Variants in SIK3 observed in about 807,000 individuals in gnomAD.
SIK3 encodes serine/threonine-protein kinase SIK3.
In SIK3, 28 loss-of-function variants were observed where a neutral mutation model predicts 144.2. The ratio of observed to expected loss-of-function variants is 0.19; its 90% CI spans 0.14 to 0.27. SIK3 has a LOEUF of 0.27. SIK3 is among the 10% of genes least tolerant of loss of function. The probability of loss-of-function intolerance (pLI) is 1.00; values close to 1 mark genes in which losing one functional copy is unlikely to be tolerated. For synonymous variants in SIK3, 686 were observed against 676.3 expected (o/e 1.01, Z -0.22); for missense variants, 1,319 against 1,776.0 (o/e 0.74, Z 4.62).
chr11:116,987,321 T>TAAAAAAAAAAAA (rs35342917), intron 1 of SIK3, among the ~76,000 whole-genome samples: 1 of 137,272 alleles, frequency 7.3e-6, no homozygotes, highest in Non-Finnish European at 1.6e-5. Context: ...CATAAAAGAT[T>TAAAAAAAAAAAA]AAAAAAAAAA....
chr11:117,046,097 CATCT>C (rs1170928514), intron 1 of SIK3, among the ~76,000 whole-genome samples: 1 of 152,210 alleles, frequency 6.6e-6, no homozygotes, highest in African/African-American at 2.4e-5. Context: ...TGTTCCTATC[CATCT>C]GTCTTTCACA....
chr11:116,892,399 A>G (rs894284288), intron 6 of SIK3, among the ~76,000 whole-genome samples: 1 of 152,218 alleles, frequency 6.6e-6, no homozygotes, highest in African/African-American at 2.4e-5. Context: ...TGAAGTTAAA[A>G]ACGACCAATA....
At chr11:116,894,269 A>G (rs1462720861) in intron 6 of SIK3, among the ~76,000 whole-genome samples, 1 of 152,158 alleles carries the variant, frequency 6.6e-6, no homozygotes, top group Non-Finnish European at 1.5e-5. Flanking sequence ...CTCTGTAACC[A>G]CTGCCTAAAA....
At chr11:116,883,116 C>A (rs900407393) in intron 6 of SIK3, among the ~76,000 whole-genome samples, 1 of 152,168 alleles carries the variant, frequency 6.6e-6, no homozygotes, top group African/African-American at 2.4e-5. Flanking sequence ...GCTATTATAG[C>A]AAACAGAACA....
intron 1 of SIK3, among the ~76,000 whole-genome samples, chr11:117,029,095 G>A (rs1407499082): frequency 6.6e-6 from 1 of 152,112 alleles, no homozygotes; most frequent in Non-Finnish European, 1.5e-5. Flanking sequence ...TTTTAGTGGA[G>A]ACAAGGTTTC....
chr11:117,000,873 G>T (rs1950826010), intron 1 of SIK3, among the ~76,000 whole-genome samples: 1 of 152,206 alleles, frequency 6.6e-6, no homozygotes, highest in Admixed American at 6.5e-5. Flanking sequence ...ATGACGACGG[G>T]TTGCTTAGCT....
intron 4 of SIK3, among the ~76,000 whole-genome samples, chr11:116,907,878 T>C (rs1166518595): frequency 6.6e-6 from 1 of 151,918 alleles, no homozygotes; most frequent in Admixed American, 6.6e-5. Context: ...CAACTCGTTA[T>C]TCATATGGAA....
At chr11:116,952,240 A>G (rs2135378197) in intron 3 of SIK3, among the ~76,000 whole-genome samples, 1 of 152,268 alleles carries the variant, frequency 6.6e-6, no homozygotes, top group African/African-American at 2.4e-5. Context: ...CGTCTCTACT[A>G]AAAATTTAAA....
chr11:116,942,690 A>G (rs1419327959), intron 3 of SIK3, among the ~76,000 whole-genome samples: 1 of 152,198 alleles, frequency 6.6e-6, no homozygotes, highest in Non-Finnish European at 1.5e-5. Flanking sequence ...GGAAGAAGAA[A>G]TGGAATATAT....
chr11:117,083,720 T>C (rs1352956136), intron 1 of SIK3, among the ~76,000 whole-genome samples: 1 of 152,190 alleles, frequency 6.6e-6, no homozygotes, highest in African/African-American at 2.4e-5. Context: ...CTCATCCTAA[T>C]AAGAAACACA....
Position 116,888,962 on chromosome 11 carries a change from A to T in SIK3, c.865+7291T>A, listed in dbSNP as rs565874986. Among the ~76,000 whole-genome samples the T allele has an allele frequency of 1.4e-4, 22 of 152,340 alleles. No individual in the cohort carries two copies. In the East Asian group the frequency reaches 3.9e-3, roughly 27 times the overall value. ...CCGGCTCCGGGAAGGGTTCAGTAAG[A>T]ATCTCTTGCCATGGTGTGAGGTGAT... On this transcript the variant is annotated intron_variant, in intron 6 of 24. Transcript: ENST00000445177.
At chr11:117,025,786 T>A (rs1423050136) in intron 1 of SIK3, among the ~76,000 whole-genome samples, 1 of 152,124 alleles carries the variant, frequency 6.6e-6, no homozygotes, top group African/African-American at 2.4e-5. Flanking sequence ...AAATTAAGGT[T>A]ATTATTTTTA....
At chr11:116,955,175 A>T (rs1949093016) in intron 2 of SIK3, among the ~76,000 whole-genome samples, 1 of 152,176 alleles carries the variant, frequency 6.6e-6, no homozygotes, top group South Asian at 2.1e-4. Flanking sequence ...AGGTGGGTGG[A>T]TCACTTGAGA....
chr11:116,947,955 G>C (rs571392870), intron 3 of SIK3, among the ~76,000 whole-genome samples: 2 of 139,222 alleles, frequency 1.4e-5, no homozygotes, highest in East Asian at 4.1e-4. Context: ...TTTTTTTTGA[G>C]ACAGGGTCTC....
intron 4 of SIK3, among the ~76,000 whole-genome samples, chr11:116,900,712 CCAGT>C (rs1382906955): frequency 6.6e-6 from 1 of 152,104 alleles, no homozygotes; most frequent in Non-Finnish European, 1.5e-5. Context: ...TTTTCAAGGC[CCAGT>C]CAAATATTAC....
At chr11:116,970,622 T>A (rs1231847044) in intron 1 of SIK3, among the ~76,000 whole-genome samples, 1 of 152,106 alleles carries the variant, frequency 6.6e-6, no homozygotes, top group Non-Finnish European at 1.5e-5. Context: ...AGTGCTAGGA[T>A]AACAGGCATG....
intron 6 of SIK3, among the ~76,000 whole-genome samples, chr11:116,895,473 T>G (rs1945350010): frequency 6.6e-6 from 1 of 152,244 alleles, no homozygotes. Context: ...TACTCCAAGG[T>G]TCACCTCTTT....
At chr11:116,947,234 T>TATAATATATAATATATAA (rs1948688739) in intron 3 of SIK3, among the ~76,000 whole-genome samples, 5 of 96,594 alleles carry the variant, frequency 5.2e-5, no homozygotes, top group Non-Finnish European at 6.1e-5. Flanking sequence ...ATTATTTATA[T>TATAATATATAATATATAA]ATTTTATATA....
chr11:116,998,036 T>A (rs916040212), intron 1 of SIK3, among the ~76,000 whole-genome samples: 1 of 152,050 alleles, frequency 6.6e-6, no homozygotes, highest in African/African-American at 2.4e-5. Context: ...TTTATTTTTA[T>A]AAAGACAGGG....
Sources: gnomAD v4.1 joint callset for allele counts (sites outside exome capture counted in the v4.1 genomes callset) on GRCh38, gnomAD v4.1.1 for gene constraint, MANE v1.5 for transcripts, NCBI Gene and HGNC (gene_info 2026-07-23, HGNC 2026-07-21) for gene names.